KLHL14: variants seen among roughly 807,000 people sequenced by gnomAD.
The protein encoded by KLHL14 is kelch-like protein 14.
In KLHL14, 22 loss-of-function variants were observed where a neutral mutation model predicts 64.3. That is an observed-to-expected ratio of 0.34 (90% CI 0.24 to 0.49). The LOEUF is 0.49. KLHL14 is among the 20% of genes least tolerant of loss of function. The probability of loss-of-function intolerance (pLI) is 0.99; values close to 1 mark genes in which losing one functional copy is unlikely to be tolerated. For missense variants in KLHL14, 661 were observed against 789.0 expected, an observed-to-expected ratio of 0.84 and a Z score of 1.94; for synonymous variants, 322 against 333.4, an observed-to-expected ratio of 0.97 and a Z score of 0.37.
At chr18:32,757,434 CT>C (rs1478203599) in intron 2 of KLHL14, among the ~76,000 whole-genome samples, 1 of 152,190 alleles carries the variant, frequency 6.6e-6, no homozygotes, top group Non-Finnish European at 1.5e-5. Context: ...TCAGCCATGA[CT>C]GAAAATCCCG....
At chr18:32,768,098 A>T (rs1290257005) in intron 2 of KLHL14, among the ~76,000 whole-genome samples, 1 of 152,212 alleles carries the variant, frequency 6.6e-6, no homozygotes, top group Non-Finnish European at 1.5e-5. Flanking sequence ...AATAAAATAA[A>T]AATACGTTTC....
At chr18:32,760,312 T>A (rs1490433751) in intron 2 of KLHL14, among the ~76,000 whole-genome samples, 1 of 149,486 alleles carries the variant, frequency 6.7e-6, no homozygotes, top group African/African-American at 2.5e-5. Flanking sequence ...CCCAACAATA[T>A]GTGATTGGAC....
At position 32,700,445 on chromosome 18, in the gene KLHL14, G is replaced by T. The variant is rs552042517; in HGVS notation, c.1070-4893C>A. On this transcript the variant is annotated intron_variant, in intron 3 of 8. Coordinates refer to ENST00000359358, the MANE Select transcript of KLHL14 (RefSeq NM_020805.3). Reference sequence around the variant, plus strand: ...CCCTCGGCCCACCCTCAGCCTTTCAGTTCTCTACCACAGAGGCAATCTCTG... The same window carrying T: ...CCCTCGGCCCACCCTCAGCCTTTCATTTCTCTACCACAGAGGCAATCTCTG... Among the ~76,000 whole-genome samples, 8 of 152,174 alleles carry T rather than the reference G, an allele frequency of 5.3e-5. No homozygotes were observed. The South Asian group carries it at 1.5e-3, about 28-fold the overall frequency.
At chr18:32,741,838 A>G (rs545477254) in intron 3 of KLHL14, 90 bp downstream of exon 3, 85 of 1,313,708 alleles carry the variant, frequency 6.5e-5, no homozygotes, top group Admixed American at 5.0e-4. Flanking sequence ...TAAAATGTCT[A>G]ATTTGATTAA....
At chr18:32,684,298 T>C (rs79045943) in intron 5 of KLHL14, among the ~76,000 whole-genome samples, 1,803 of 152,324 alleles carry the variant, frequency 0.012, 32 homozygotes, top group African/African-American at 0.041. Context: ...TGACTCATGG[T>C]TGAGTGAGTC....
At chr18:32,746,669 A>G (rs1343529008) in intron 2 of KLHL14, among the ~76,000 whole-genome samples, 1 of 152,262 alleles carries the variant, frequency 6.6e-6, no homozygotes, top group East Asian at 1.9e-4. Context: ...CTGGCACTTT[A>G]TAATCACCAA....
intron 4 of KLHL14, among the ~76,000 whole-genome samples, chr18:32,693,304 C>T (rs989530081): frequency 3.3e-5 from 5 of 151,560 alleles, no homozygotes; most frequent in Non-Finnish European, 7.4e-5. Context: ...AATGACCTCA[C>T]GTGCCAAATG....
At chr18:32,730,204 A>T (rs920127861) in intron 3 of KLHL14, among the ~76,000 whole-genome samples, 1 of 152,198 alleles carries the variant, frequency 6.6e-6, no homozygotes, top group Non-Finnish European at 1.5e-5. Context: ...CTGGAGATAG[A>T]CCTCATAGAG....
intron 4 of KLHL14, among the ~76,000 whole-genome samples, chr18:32,693,413 C>CACACACACACACAGAGAGAG (rs1229737083): frequency 1.6e-4 from 16 of 97,032 alleles, no homozygotes; most frequent in African/African-American, 7.3e-4. Context: ...CACACACACA[C>CACACACACACACAGAGAGAG]AGAGAGAGAG....
chr18:32,706,566 A>C (rs2049991586), intron 3 of KLHL14, among the ~76,000 whole-genome samples: 1 of 152,160 alleles, frequency 6.6e-6, no homozygotes. Context: ...ATAGGCTGAG[A>C]CCCTGGTGCT....
rs1396173898 is a variant in KLHL14 at position 32,673,424 on chromosome 18, T to C, written c.*1233A>G. On this transcript the variant is annotated 3_prime_UTR_variant, in exon 9 of 9. Coordinates refer to ENST00000359358, the MANE Select transcript of KLHL14 (RefSeq NM_020805.3). ...TGCATTCCTGTCAGTTTTGTCCTTT[T>C]GGTTGGCCACATTGAGACTATCTCA... is the stretch of plus-strand genomic sequence containing the variant. The C allele has an allele frequency of 6.6e-6, 1 of 152,222 alleles. No homozygotes were observed. Among genetic ancestry groups the C allele is most frequent in the South Asian group, 2.1e-4 (1 of 4,830 alleles). 9.4% of individuals were successfully genotyped at this position (152,222 alleles called of 1,614,324 possible).
At chr18:32,699,884 T>C (rs932051164) in intron 3 of KLHL14, among the ~76,000 whole-genome samples, 5 of 152,000 alleles carry the variant, frequency 3.3e-5, no homozygotes, top group African/African-American at 7.2e-5. Context: ...GAAAAAACAC[T>C]GAGAAAATCA....
chr18:32,713,415 T>C (rs1012343435), intron 3 of KLHL14, among the ~76,000 whole-genome samples: 6 of 152,130 alleles, frequency 3.9e-5, no homozygotes, highest in Non-Finnish European at 7.4e-5. Flanking sequence ...CTCCTCTCTT[T>C]CTATTATGCT....
Position 32,673,477 on chromosome 18 carries a change from T to A in KLHL14, c.*1180A>T, listed in dbSNP as rs1050337989. 2 of 152,212 alleles carry A rather than the reference T, an allele frequency of 1.3e-5. No homozygotes were observed. Among genetic ancestry groups the A allele is most frequent in the Non-Finnish European group, 2.9e-5 (2 of 68,034 alleles). The allele number at this position is 152,212 out of a possible 1,614,324, so 9.4% of individuals were successfully genotyped here. ...CTATCCTGACCTTCTGCTCCTGAAT[T>A]CCTCATGCTCCTCAAGACAACTAGC... On this transcript the variant is annotated 3_prime_UTR_variant, in exon 9 of 9. Transcript: ENST00000359358.
chr18:32,728,000 A>G (rs1161204612), intron 3 of KLHL14, among the ~76,000 whole-genome samples: 1 of 147,574 alleles, frequency 6.8e-6, no homozygotes, highest in African/African-American at 2.5e-5. Context: ...CTCCCCTGGA[A>G]GTGATCGCCT....
chr18:32,731,197 T>C (rs764359373), intron 3 of KLHL14, among the ~76,000 whole-genome samples: 22 of 152,264 alleles, frequency 1.4e-4, no homozygotes, highest in Non-Finnish European at 3.1e-4. Flanking sequence ...GATGTCACCA[T>C]AGAGTCATCT....
intron 2 of KLHL14, among the ~76,000 whole-genome samples, chr18:32,755,915 C>T (rs2050279299): frequency 6.6e-6 from 1 of 152,166 alleles, no homozygotes; most frequent in African/African-American, 2.4e-5. Context: ...TATTTATACA[C>T]TGCTGACTTG....
Position 32,770,439 on chromosome 18 carries a change from C to A in KLHL14, c.153G>T (p.Leu51=). The A allele has an allele frequency of 6.2e-7, 1 of 1,611,794 alleles. No homozygotes were observed. Among genetic ancestry groups the A allele is most frequent in the Non-Finnish European group, 8.5e-7 (1 of 1,179,288 alleles). Residue 51 remains leucine (L), a synonymous_variant, in exon 2 of 9, where the codon CTG becomes CTT. Coordinates refer to ENST00000359358, the MANE Select transcript of KLHL14 (RefSeq NM_020805.3). This position sits in a 1 kb window ranked among gnomAD's most constrained non-coding sequence, Gnocchi z 6.7. The part of the protein sequence containing the change: ...GQQFHCHKAV[L]ASCSQYFRSL... ...ATCGGAAGTACTGCGAGCAGGAGGCCAGCACGGCCTTGTGGCAATGGAACT... is the reference window on the plus strand; with the variant it reads ...ATCGGAAGTACTGCGAGCAGGAGGCAAGCACGGCCTTGTGGCAATGGAACT...
At chr18:32,760,927 T>C (rs1368594362) in intron 2 of KLHL14, among the ~76,000 whole-genome samples, 5 of 152,240 alleles carry the variant, frequency 3.3e-5, no homozygotes, top group Admixed American at 2.0e-4. Flanking sequence ...CCCTCCAACT[T>C]CATTCCTCTG....
Sources: gnomAD v4.1 joint callset for allele counts (sites outside exome capture counted in the v4.1 genomes callset) on GRCh38, gnomAD v4.1.1 for gene constraint, Gnocchi (gnomAD v3.1) non-coding constraint, MANE v1.5 for transcripts, NCBI Gene and HGNC (gene_info 2026-07-23, HGNC 2026-07-21) for gene names.